Variants in EYA4 observed in about 807,000 individuals in gnomAD.
EYA4 encodes EYA transcriptional coactivator and phosphatase 4.
EYA4 carries 31 observed loss-of-function variants against 87.9 expected under a neutral mutation model. The observed-to-expected ratio is 0.35, with a 90% CI of 0.27 to 0.48. EYA4 has a LOEUF of 0.48. Among genes scored for constraint, EYA4 ranks in the 20% least tolerant of loss-of-function variants. The pLI, the probability that EYA4 is intolerant of heterozygous loss-of-function variation, is 0.99. For synonymous variants in EYA4, 263 were observed against 270.6 expected (o/e 0.97, Z 0.28); for missense variants, 678 against 761.4 (o/e 0.89, Z 1.29).
rs71636692 is a variant in EYA4, at chr6:133,331,027, G to GTTTTT, written c.34-51348_34-51344dup. On this transcript the variant is annotated intron_variant, in intron 2 of 19. Coordinates refer to ENST00000355286, the MANE Select transcript of EYA4 (RefSeq NM_004100.5). ...TTGATTATTTTGTATAACCAAACGG[G>GTTTTT]TTTTTTTTTTTTTTTTTTTTTGCAC... 1.3e-4 allele frequency among the ~76,000 whole-genome samples: 15 copies of GTTTTT among 113,676 alleles called. 2 individuals carry two copies. Among genetic ancestry groups the GTTTTT allele is most frequent in the East Asian group, 5.7e-4 (2 of 3,490 alleles). The allele number at this position is 113,676 out of a possible 152,430, so 74.6% of individuals were successfully genotyped here.
At chr6:133,245,148 G>A (rs1274042090) in intron 1 of EYA4, 1 of 152,062 alleles carries the variant, frequency 6.6e-6, no homozygotes, top group Non-Finnish European at 1.5e-5. Flanking sequence ...CTCTTTATAA[G>A]GAGTTTATTC....
chr6:133,430,772 CTTA>C (rs1434353500), intron 3 of EYA4, among the ~76,000 whole-genome samples: 1 of 152,152 alleles, frequency 6.6e-6, no homozygotes, highest in Non-Finnish European at 1.5e-5. Context: ...TCATTGAGCA[CTTA>C]TTATGTGACA....
intron 19 of EYA4, among the ~76,000 whole-genome samples, chr6:133,526,704 A>C (rs1800665534): frequency 6.6e-6 from 1 of 152,152 alleles, no homozygotes; most frequent in Admixed American, 6.6e-5. Context: ...TACGGCTTTC[A>C]TTGCTGACTA....
At chr6:133,377,627 T>G (rs1208335159) in intron 2 of EYA4, among the ~76,000 whole-genome samples, 10 of 143,932 alleles carry the variant, frequency 6.9e-5, no homozygotes, top group Non-Finnish European at 1.5e-5. Context: ...GCTAGAGATA[T>G]CTGGATAATT....
intron 2 of EYA4, among the ~76,000 whole-genome samples, chr6:133,283,555 C>T (rs1362543091): frequency 6.6e-6 from 1 of 152,086 alleles, no homozygotes; most frequent in Non-Finnish European, 1.5e-5. Context: ...CTGTCATAAC[C>T]TCAGTCTGAA....
At chr6:133,439,169 A>C (rs556180088) in intron 3 of EYA4, among the ~76,000 whole-genome samples, 10 of 151,976 alleles carry the variant, frequency 6.6e-5, no homozygotes, top group Non-Finnish European at 1.3e-4. Flanking sequence ...TGTGCTACAG[A>C]TACTACTTGG....
At chr6:133,343,170 A>T (rs927450788) in intron 2 of EYA4, among the ~76,000 whole-genome samples, 16 of 152,190 alleles carry the variant, frequency 1.1e-4, no homozygotes, top group African/African-American at 2.7e-4. Context: ...GAAAAGAATG[A>T]CCTGAGATCA....
At chr6:133,431,180 TG>T (rs1392263874) in intron 3 of EYA4, among the ~76,000 whole-genome samples, 1 of 151,958 alleles carries the variant, frequency 6.6e-6, no homozygotes, top group Non-Finnish European at 1.5e-5. Flanking sequence ...GGTCAAGAAA[TG>T]GGGCATCAGT....
intron 3 of EYA4, among the ~76,000 whole-genome samples, chr6:133,442,590 A>G (rs561144053): frequency 6.6e-6 from 1 of 152,224 alleles, no homozygotes; most frequent in South Asian, 2.1e-4. Context: ...TGAATTTCCC[A>G]GAATTTTCTC....
chr6:133,495,231 T>C (rs1321223377), intron 13 of EYA4, among the ~76,000 whole-genome samples: 1 of 151,976 alleles, frequency 6.6e-6, no homozygotes, highest in African/African-American at 2.4e-5. Context: ...ATGGCTCCAC[T>C]GCATTCCAGC....
intron 2 of EYA4, among the ~76,000 whole-genome samples, chr6:133,351,427 A>T (rs1007661008): frequency 6.6e-6 from 1 of 152,176 alleles, no homozygotes; most frequent in African/African-American, 2.4e-5. Flanking sequence ...GTGAGTCCCC[A>T]TGCAGATTTC....
At chr6:133,454,271 T>C (rs924218699) in intron 5 of EYA4, among the ~76,000 whole-genome samples, 1 of 152,194 alleles carries the variant, frequency 6.6e-6, no homozygotes, top group African/African-American at 2.4e-5. Context: ...ATAAACTGTT[T>C]CTTAGTTTTG....
chr6:133,322,686 C>T (rs1411673654), intron 2 of EYA4, among the ~76,000 whole-genome samples: 1 of 152,172 alleles, frequency 6.6e-6, no homozygotes, highest in East Asian at 1.9e-4. Context: ...TTGATGGGCA[C>T]ATTGTATCAT....
chr6:133,507,060 C>G (rs1798699413), intron 14 of EYA4, among the ~76,000 whole-genome samples: 1 of 151,968 alleles, frequency 6.6e-6, no homozygotes, highest in South Asian at 2.1e-4. Context: ...AAGTTTTTAT[C>G]TATAGTCATA....
Position 133,529,108 on chromosome 6 carries a change from ACC to A in EYA4, c.*305_*306del, listed in dbSNP as rs3842093. On this transcript the variant is annotated 3_prime_UTR_variant, in exon 20 of 20. Transcript: ENST00000355286. ...TGAGCAGCTTTAGCAAAGAACTCTT[ACC>A]CTGGCAAAGCAGCAACACACATGCT... 8.3e-7 allele frequency: 1 copy of A among 1,199,524 alleles called. No individual in the cohort carries two copies. The highest frequency in any genetic ancestry group is 1.6e-5 in the African/African-American group (1 of 63,198). The allele number at this position is 1,199,524 out of a possible 1,614,324, so 74.3% of individuals were successfully genotyped here.
intron 5 of EYA4, among the ~76,000 whole-genome samples, chr6:133,449,383 C>T (rs1158560448): frequency 1.3e-5 from 2 of 152,196 alleles, no homozygotes; most frequent in African/African-American, 4.8e-5. Context: ...ATGTTCTTAG[C>T]TTACTGGCTG....
intron 3 of EYA4, among the ~76,000 whole-genome samples, chr6:133,413,081 A>G (rs1169329715): frequency 6.6e-6 from 1 of 152,228 alleles, no homozygotes; most frequent in East Asian, 1.9e-4. Context: ...GAAGAAGGAA[A>G]TCATAAAATA....
intron 13 of EYA4, among the ~76,000 whole-genome samples, chr6:133,486,375 G>T (rs1382118906): frequency 6.6e-6 from 1 of 151,860 alleles, no homozygotes; most frequent in Admixed American, 6.6e-5. Flanking sequence ...ACACCTCAGG[G>T]TTCACGGCAG....
At chr6:133,379,648 C>T (rs1786004758) in intron 2 of EYA4, among the ~76,000 whole-genome samples, 1 of 152,166 alleles carries the variant, frequency 6.6e-6, no homozygotes, top group Non-Finnish European at 1.5e-5. Context: ...AACACCCTCT[C>T]AGTTCACCCC....
Sources: gnomAD v4.1 joint callset for allele counts (sites outside exome capture counted in the v4.1 genomes callset) on GRCh38, gnomAD v4.1.1 for gene constraint, MANE v1.5 for transcripts, NCBI Gene and HGNC (gene_info 2026-07-23, HGNC 2026-07-21) for gene names.